POM121: variants seen among roughly 807,000 people sequenced by gnomAD.
POM121 encodes the protein nuclear envelope pore membrane protein POM 121.
In POM121, 32 loss-of-function variants were observed where a neutral mutation model predicts 81.3. That is an observed-to-expected ratio of 0.39 (90% CI 0.30 to 0.53). The LOEUF (loss-of-function observed/expected upper bound fraction) is 0.53, where lower values mean the gene tolerates loss of function less well. Among genes scored for constraint, POM121 ranks in the 20% least tolerant of loss-of-function variants. The pLI is 0.66. For missense variants in POM121, 1,138 were observed against 1,614.6 expected (o/e 0.70, Z 5.06); for synonymous variants, 514 against 694.2 (o/e 0.74, Z 4.08).
chr7:72,920,127 A>G (rs1206381992), upstream of POM121, among the ~76,000 whole-genome samples: 1 of 151,998 alleles, frequency 6.6e-6, no homozygotes, highest in Non-Finnish European at 1.5e-5. Flanking sequence ...ATATTTTTCT[A>G]TGTCTCAGCT....
rs1554497106 is a variant in POM121 at position 72,925,599 on chromosome 7, G to C, written c.478G>C (p.Asp160His). Residue 160 changes from aspartate (D) to histidine (H), a missense_variant, in exon 1 of 13, where the codon GAT (aspartate) becomes CAT (histidine). Asp to His is a moderately conservative substitution (Grantham distance 81, BLOSUM62 -1). This residue lies in a region of POM121 where 646 missense variants were observed against 633.5 expected (regional missense o/e 1.02). Coordinates refer to ENST00000434423, the MANE Select transcript of POM121 (RefSeq NM_001387691.1). ...AAAPEGQDLR[D>H]RPGRRPPARP... is the part of the protein sequence containing the mutation. ...CGCTCCGGAGGGCCAGGACCTGCGG[G>C]ATAGGCCTGGCCGCCGCCCACCTGC... 6.6e-7 allele frequency: 1 copy of C among 1,507,920 alleles called. No individual in the cohort carries two copies. The highest frequency in any genetic ancestry group is 2.6e-5 in the East Asian group (1 of 38,012). 93.4% of individuals were successfully genotyped at this position (1,507,920 alleles called of 1,614,324 possible). A position where few individuals can be genotyped will look rare whatever the true frequency, so the allele number is the denominator to read the frequency against.
intron 3 of POM121, among the ~76,000 whole-genome samples, chr7:72,905,180 T>G (rs1793116974): frequency 6.6e-6 from 1 of 152,190 alleles, no homozygotes; most frequent in African/African-American, 2.4e-5. Context: ...AGATACCTAC[T>G]CTGCCATTTT....
chr7:72,893,034 C>T (rs1451614279), intron 3 of POM121, among the ~76,000 whole-genome samples: 7 of 152,002 alleles, frequency 4.6e-5, no homozygotes, highest in African/African-American at 7.2e-5. Context: ...TCTTGGCTCA[C>T]GATAACCTCT....
chr7:72,931,030 T>C (rs1795966321), intron 5 of POM121, among the ~76,000 whole-genome samples: 1 of 152,102 alleles, frequency 6.6e-6, no homozygotes, highest in Non-Finnish European at 1.5e-5. Context: ...AAAGCATGTA[T>C]GGAGAAATGT....
Position 72,946,414 on chromosome 7 carries a change from C to G in POM121, c.*180C>G. Reference sequence around the variant, plus strand: ...TTTCCCTTCTGGAGGAAGCACAAGCCTCAGGGAAGGGGAAGCAGGATGCGG... The same window carrying G: ...TTTCCCTTCTGGAGGAAGCACAAGCGTCAGGGAAGGGGAAGCAGGATGCGG... On this transcript the variant is annotated 3_prime_UTR_variant, in exon 13 of 13. Coordinates refer to ENST00000434423, the MANE Select transcript of POM121 (RefSeq NM_001387691.1). 2.1e-6 allele frequency: 3 copies of G among 1,425,104 alleles called. No homozygotes were observed. The highest frequency in any genetic ancestry group is 2.7e-4 in the Middle Eastern group (1 of 3,772). The allele number at this position is 1,425,104 out of a possible 1,614,324, so 88.3% of individuals were successfully genotyped here. A position where few individuals can be genotyped will look rare whatever the true frequency, so the allele number is the denominator to read the frequency against.
chr7:72,943,822 GA>G (rs1349705392), intron 11 of POM121, among the ~76,000 whole-genome samples: 1 of 152,212 alleles, frequency 6.6e-6, no homozygotes, highest in Admixed American at 6.5e-5. Flanking sequence ...TGCATCACTT[GA>G]GGCCAGGAGT....
At chr7:72,922,360 G>T (rs782304052), upstream of POM121, among the ~76,000 whole-genome samples, 14 of 152,078 alleles carry the variant, frequency 9.2e-5, no homozygotes, top group Non-Finnish European at 1.9e-4. Context: ...TCTTTTAGAT[G>T]CATATCTTGT....
At chr7:72,910,497 C>T (rs1231273144) in intron 3 of POM121, among the ~76,000 whole-genome samples, 3 of 152,004 alleles carry the variant, frequency 2.0e-5, no homozygotes, top group Non-Finnish European at 4.4e-5. Flanking sequence ...GATGGGGTGC[C>T]ACCTTGTTAC....
At chr7:72,948,310 T>A (rs1554503792), downstream of POM121, 1 of 1,597,874 alleles carries the variant, frequency 6.3e-7, no homozygotes, top group Non-Finnish European at 8.5e-7. Context: ...GAGTACGTTC[T>A]GCATTTTATT....
chr7:72,895,870 C>A (rs561573923), intron 3 of POM121, among the ~76,000 whole-genome samples: 13 of 151,790 alleles, frequency 8.6e-5, no homozygotes, highest in African/African-American at 3.2e-4. Context: ...GATCGCGCCA[C>A]TATACTCCAG....
intron 1 of POM121, among the ~76,000 whole-genome samples, chr7:72,888,599 T>A (rs1478616982): frequency 6.6e-6 from 1 of 152,214 alleles, no homozygotes; most frequent in African/African-American, 2.4e-5. Context: ...TTGTTCTTGA[T>A]CTTAGTGGGA....
chr7:72,942,213 G>A lies in POM121; in HGVS notation c.2220G>A (p.Lys740=). The part of the protein sequence containing the change: ...PIFTAPPKSE[K]EGPTPPGPSV... Reference sequence around the variant, plus strand: ...TCACGGCTCCACCCAAGAGTGAGAAGGAAGGCCCCACACCGCCTGGCCCTT... The same window carrying A: ...TCACGGCTCCACCCAAGAGTGAGAAAGAAGGCCCCACACCGCCTGGCCCTT... Residue 740 remains lysine (K), a synonymous_variant, in exon 11 of 13, where the codon AAG becomes AAA. Transcript: ENST00000434423. 6.2e-7 allele frequency: 1 copy of A among 1,610,138 alleles called. No individual in the cohort carries two copies. The highest frequency in any genetic ancestry group is 1.1e-5 in the South Asian group (1 of 90,956).
chr7:72,941,917 T>G lies in POM121; in HGVS notation c.1924T>G (p.Ser642Ala). ...SLLPPLGLSQ[S>A]GPPGLLPSPS... ...CCTACCCCCGCTGGGTTTATCACAGTCAGGGCCGCCAGGGCTGCTCCCCAG... is the reference window on the plus strand; with the variant it reads ...CCTACCCCCGCTGGGTTTATCACAGGCAGGGCCGCCAGGGCTGCTCCCCAG... Residue 642 changes from serine to alanine, a missense_variant, in exon 11 of 13, where the codon TCA becomes GCA. Physicochemically the swap from Ser to Ala is moderately conservative, Grantham distance 99 (BLOSUM62 1). Around this residue, in one of 7 missense-constraint regions of POM121, gnomAD observed 25 missense variants for 214.1 expected, o/e 0.12. Transcript: ENST00000434423. 6.4e-7 allele frequency: 1 copy of G among 1,573,806 alleles called. No individual in the cohort carries two copies. Among genetic ancestry groups the G allele is most frequent in the Non-Finnish European group, 8.6e-7 (1 of 1,161,286 alleles).
intron 5 of POM121, among the ~76,000 whole-genome samples, chr7:72,935,895 G>A (rs1796464454): frequency 6.6e-6 from 1 of 152,190 alleles, no homozygotes. Flanking sequence ...TATTCAGAAA[G>A]TTTGCTAAAT....
chr7:72,921,039 G>C (rs769778928), upstream of POM121, among the ~76,000 whole-genome samples: 1 of 152,116 alleles, frequency 6.6e-6, no homozygotes, highest in Non-Finnish European at 1.5e-5. Context: ...AAAAGTAGCC[G>C]AGTGTGGTGG....
intron 5 of POM121, among the ~76,000 whole-genome samples, chr7:72,932,469 G>A (rs1586162984): frequency 6.6e-6 from 1 of 151,960 alleles, no homozygotes; most frequent in East Asian, 2.0e-4. Flanking sequence ...GTTGACAAAT[G>A]TTGGGTTGTT....
At position 72,942,884 on chromosome 7, in the gene POM121, C is replaced by G. The variant is rs71554686; in HGVS notation, c.2891C>G (p.Pro964Arg). The G allele has an allele frequency of 3.1e-6, 5 of 1,596,932 alleles. No individual in the cohort carries two copies. Among genetic ancestry groups the G allele is most frequent in the Non-Finnish European group, 4.3e-6 (5 of 1,172,782 alleles). ...GCCAAGTCCCCGCTCCCATCATATCCGGGAGCCAACCCCCAGCCCGCATTT... is the reference window on the plus strand; with the variant it reads ...GCCAAGTCCCCGCTCCCATCATATCGGGGAGCCAACCCCCAGCCCGCATTT... ...SSAKSPLPSY[P>R]GANPQPAFGA... Residue 964 changes from proline to arginine, a missense_variant, in exon 11 of 13, where the codon CCG (proline) becomes CGG (arginine). This residue lies in a region of POM121 where 45 missense variants were observed against 75.7 expected (regional missense o/e 0.59). Transcript: ENST00000434423.
intron 1 of POM121, 55 bp from the exon 2 acceptor site, chr7:72,926,207 A>T: frequency 6.6e-7 from 1 of 1,508,126 alleles, no homozygotes; most frequent in Non-Finnish European, 9.0e-7. Flanking sequence ...AACCGTTTAA[A>T]AATTTGACAT....
chr7:72,947,156 G>A lies in POM121; in HGVS notation c.*922G>A, dbSNP rs1303489412. 3 of 438,112 alleles carry A rather than the reference G, an allele frequency of 6.8e-6. 1 individual carries two copies. The highest frequency in any genetic ancestry group is 1.0e-3 in the Middle Eastern group (1 of 966). 27.1% of individuals were successfully genotyped at this position (438,112 alleles called of 1,614,324 possible). A position where few individuals can be genotyped will look rare whatever the true frequency, so the allele number is the denominator to read the frequency against. ...GAGGAAGAGTTGAGTTGTATGAGTG[G>A]CGGCATGTTGGTAGTGCCGGACTTC... is the stretch of plus-strand genomic sequence containing the variant. On this transcript the variant is annotated 3_prime_UTR_variant, in exon 13 of 13. Transcript: ENST00000434423.
Sources: gnomAD v4.1 joint callset for allele counts (sites outside exome capture counted in the v4.1 genomes callset) on GRCh38, gnomAD v4.1.1 for gene constraint, gnomAD v4.1.1 regional missense constraint, MANE v1.5 for transcripts, NCBI Gene and HGNC (gene_info 2026-07-23, HGNC 2026-07-21) for gene names.